The following HNRNPL variants were observed in gnomAD, a reference collection of about 807,000 sequenced individuals.
HNRNPL encodes the protein heterogeneous nuclear ribonucleoprotein L.
HNRNPL carries 12 observed loss-of-function variants against 64.0 expected under a neutral mutation model. That is an observed-to-expected ratio of 0.19 (90% CI 0.12 to 0.30). The LOEUF (loss-of-function observed/expected upper bound fraction) is 0.30, where lower values mean the gene tolerates loss of function less well. Among genes scored for constraint, HNRNPL ranks in the 10% least tolerant of loss-of-function variants. HNRNPL has a pLI of 1.00. For synonymous variants in HNRNPL, 385 were observed against 313.0 expected (o/e 1.23, Z -2.43); for missense variants, 484 against 797.4 (o/e 0.61, Z 4.73).
chr19:38,843,622 T>C, intron 6 of HNRNPL: 3 of 564,960 alleles, frequency 5.3e-6, no homozygotes, highest in East Asian at 2.9e-5. Context: ...CTTGCCTCTG[T>C]ATCCTGAGCA....
At chr19:38,850,321 T>C, upstream of HNRNPL, 1 of 240,504 alleles carries the variant, frequency 4.2e-6, no homozygotes, top group Admixed American at 5.7e-5. Flanking sequence ...CCCTCCCACT[T>C]TCATTGGTCT....
chr19:38,841,560 TAC>T (rs770485621), intron 6 of HNRNPL: 3 of 754,374 alleles, frequency 4.0e-6, no homozygotes, highest in Non-Finnish European at 4.0e-6. Context: ...ACAGCAGAAG[TAC>T]AGAGTACAAT....
rs574181669 is a variant in HNRNPL at position 38,840,568 on chromosome 19, A to G, written c.881-9T>C. On this transcript the variant is annotated splice_polypyrimidine_tract_variant and intron_variant, in intron 6 of 12. Coordinates refer to ENST00000221419, the MANE Select transcript of HNRNPL (RefSeq NM_001533.3). The stretch of plus-strand genomic sequence containing the variant: ...GTTGCTGCCAGGGTCACCTGTGGAG[A>G]GAGAAAACAGTTAGGAGTCTCACTC... The G allele has an allele frequency of 1.9e-6, 3 of 1,574,264 alleles. No homozygotes were observed. The highest frequency in any genetic ancestry group is 2.6e-6 in the Non-Finnish European group (3 of 1,160,398).
At chr19:38,838,656 C>T in intron 9 of HNRNPL, 58 bp from the exon 10 acceptor site, 12 of 1,535,494 alleles carry the variant, frequency 7.8e-6, no homozygotes, top group Admixed American at 1.8e-5. Flanking sequence ...CTGAAGCTTT[C>T]CCCTGTGGCC....
chr19:38,842,481 CTT>C (rs752598977), intron 6 of HNRNPL, among the ~76,000 whole-genome samples: 17 of 152,160 alleles, frequency 1.1e-4, no homozygotes, highest in East Asian at 5.8e-4. Context: ...CTCTTTCTCT[CTT>C]TGTCTCTGTA....
Position 38,840,339 on chromosome 19 carries a change from A to G in HNRNPL, c.990T>C (p.Asp330=), listed in dbSNP as rs750258698. Residue 330 remains aspartate (D), a synonymous_variant, in exon 8 of 13, where the codon GAT becomes GAC. Coordinates refer to ENST00000221419, the MANE Select transcript of HNRNPL (RefSeq NM_001533.3). ...PHGGYHSHYH[D]EGYGPPPPHY... is the part of the protein sequence containing the mutation. ...GAGGTGGGGGGGGCCCGTAGCCCTC[A>G]TCATGGTAATGGCTGTGGTACCCAC... 6.5e-7 allele frequency: 1 copy of G among 1,549,938 alleles called. No individual in the cohort carries two copies. The highest frequency in any genetic ancestry group is 8.7e-7 in the Non-Finnish European group (1 of 1,145,918).
chr19:38,837,555 C>T, intron 11 of HNRNPL, 39 bp downstream of exon 11: 1 of 1,612,842 alleles, frequency 6.2e-7, no homozygotes, highest in Non-Finnish European at 8.5e-7. Context: ...CACCAACCAC[C>T]ATGCAATTAG....
intron 6 of HNRNPL, chr19:38,841,249 T>G (rs1394267741): frequency 6.9e-6 from 2 of 288,436 alleles, no homozygotes; most frequent in Non-Finnish European, 1.4e-5. Flanking sequence ...AGCGCTTAAG[T>G]GGCAGGCACT....
At chr19:38,843,111 T>C (rs951336657) in intron 6 of HNRNPL, among the ~76,000 whole-genome samples, 2 of 152,092 alleles carry the variant, frequency 1.3e-5, no homozygotes, top group African/African-American at 4.8e-5. Context: ...GATGTCAGCA[T>C]CGAGCCTCCT....
At chr19:38,842,679 A>C (rs1413143815) in intron 6 of HNRNPL, among the ~76,000 whole-genome samples, 1 of 151,758 alleles carries the variant, frequency 6.6e-6, no homozygotes, top group Non-Finnish European at 1.5e-5. Flanking sequence ...GAGCCGCTGA[A>C]GTATGGTTCC....
intron 1 of HNRNPL, chr19:38,847,725 G>A (rs960111993): frequency 2.3e-5 from 5 of 213,416 alleles, no homozygotes; most frequent in African/African-American, 9.1e-5. Context: ...CGTTCTTCCA[G>A]GGACCCCCCT....
chr19:38,849,640 C>G, intron 1 of HNRNPL, 60 bp downstream of exon 1: 9 of 1,305,006 alleles, frequency 6.9e-6, no homozygotes, highest in Non-Finnish European at 7.8e-6. Flanking sequence ...AAAATGCCCT[C>G]AAGCTGGGAA....
rs775793833 is a variant in HNRNPL, at chr19:38,849,908, T to G, written c.59A>C (p.Gln20Pro). The G allele has an allele frequency of 1.6e-6, 2 of 1,286,714 alleles. No individual in the cohort carries two copies. Among genetic ancestry groups the G allele is most frequent in the Non-Finnish European group, 2.2e-6 (2 of 924,868 alleles). The allele number at this position is 1,286,714 out of a possible 1,614,324, so 79.7% of individuals were successfully genotyped here. Residue 20 changes from glutamine to proline, a missense_variant, in exon 1 of 13, where the codon CAG becomes CCG. Gln to Pro is a moderately conservative substitution (Grantham distance 76). Transcript: ENST00000221419. ...CCGCCTCCGCTGCTCGTCCGGCTGC[T>G]GCCTCTGCTCCAGCCGCCGACGCCG... ...EKRRRRLEQR[Q>P]QPDEQRRRSG...
Position 38,849,905 on chromosome 19 carries a change from T to G in HNRNPL, c.62A>C (p.Gln21Pro), listed in dbSNP as rs915623962. ...KRRRRLEQRQ[Q>P]PDEQRRRSGA... ...CGACCGCCTCCGCTGCTCGTCCGGC[T>G]GCTGCCTCTGCTCCAGCCGCCGACG... The change falls in exon 1 of 13, where the codon CAG becomes CCG. Residue 21 changes from glutamine (Q) to proline (P), a missense_variant. Gln to Pro is a moderately conservative substitution (Grantham distance 76). Transcript: ENST00000221419. The G allele has an allele frequency of 7.9e-7, 1 of 1,271,128 alleles. No individual in the cohort carries two copies. The highest frequency in any genetic ancestry group is 1.5e-5 in the African/African-American group (1 of 65,214). 78.7% of individuals were successfully genotyped at this position (1,271,128 alleles called of 1,614,324 possible).
At chr19:38,843,958 C>T (rs753025004) in intron 5 of HNRNPL, 44 bp from the exon 6 acceptor site, 33 of 1,608,974 alleles carry the variant, frequency 2.1e-5, no homozygotes, top group Non-Finnish European at 2.7e-5. Context: ...AGCCATGCCC[C>T]AGCTCACCTG....
At position 38,845,755 on chromosome 19, in the gene HNRNPL, C is replaced by A. The variant is rs778913126; in HGVS notation, c.625-20G>T. The A allele has an allele frequency of 2.5e-6, 4 of 1,609,348 alleles. No individual in the cohort carries two copies. In the South Asian group the frequency reaches 3.3e-5, roughly 13 times the overall value. On this transcript the variant is annotated intron_variant, in intron 3 of 12. Transcript: ENST00000221419. ...AACATCCTGCAAAAGCAAACACAGG[C>A]AAGATGAAGGGGCACTGGCAGATCA...
chr19:38,851,949 G>C (rs1053347325), upstream of HNRNPL, among the ~76,000 whole-genome samples: 7 of 151,952 alleles, frequency 4.6e-5, no homozygotes, highest in Non-Finnish European at 8.8e-5. Flanking sequence ...CGTGGCCCGC[G>C]TGACGGGAGG....
At chr19:38,850,601 A>C (rs533162794), upstream of HNRNPL, among the ~76,000 whole-genome samples, 1 of 152,304 alleles carries the variant, frequency 6.6e-6, no homozygotes, top group Non-Finnish European at 1.5e-5. Flanking sequence ...CGAAGGCGAG[A>C]ACGCATGCGC....
At chr19:38,846,818 G>A (rs151247346) in intron 2 of HNRNPL, among the ~76,000 whole-genome samples, 1 of 152,190 alleles carries the variant, frequency 6.6e-6, no homozygotes, top group African/African-American at 2.4e-5. Context: ...TGAGGCAGGA[G>A]AATGGCGTGA....
Sources: allele counts gnomAD v4.1 joint callset (sites outside exome capture counted in the v4.1 genomes callset), GRCh38; gene constraint gnomAD v4.1.1; transcripts MANE v1.5; gene names NCBI Gene and HGNC (gene_info 2026-07-23, HGNC 2026-07-21).